The following ENOX2 variants were observed in gnomAD, a reference collection of about 807,000 sequenced individuals.
ENOX2 encodes APK1 antigen.
ENOX2 carries 36 observed loss-of-function variants against 45.0 expected under a neutral mutation model. The ratio of observed to expected loss-of-function variants is 0.80; its 90% confidence interval spans 0.61 to 1.06. ENOX2 has a LOEUF of 1.06. ENOX2 is among the 50% of genes least tolerant of loss of function. The pLI is 0.00. For missense variants in ENOX2, 423 were observed against 462.5 expected (o/e 0.91, Z 0.78); for synonymous variants, 174 against 152.3 (o/e 1.14, Z -1.05).
At chrX:130,815,017 T>C (rs1312180404) in intron 2 of ENOX2, among the ~76,000 whole-genome samples, 1 of 110,978 alleles carries the variant, frequency 9.0e-6, no homozygotes, top group African/African-American at 3.3e-5. Flanking sequence ...GTTTGAGGAA[T>C]TGCTAACTAG....
chrX:130,660,864 C>T (rs1480105583), intron 9 of ENOX2, among the ~76,000 whole-genome samples: 6 of 112,149 alleles, frequency 5.4e-5, no homozygotes, highest in Non-Finnish European at 9.4e-5. Flanking sequence ...ATTATAATGA[C>T]TGAGTCTGAT....
At chrX:130,890,572 A>G (rs2078970727) in intron 2 of ENOX2, among the ~76,000 whole-genome samples, 1 of 112,751 alleles carries the variant, frequency 8.9e-6, no homozygotes, top group Admixed American at 9.4e-5. Context: ...TAAATTCCAA[A>G]CAAAACAGAA....
chrX:130,854,688 G>A lies in ENOX2; in HGVS notation c.-183+46996C>T, dbSNP rs370150645. 6.3e-5 allele frequency among the ~76,000 whole-genome samples: 7 copies of A among 111,080 alleles called. No homozygotes were observed. In the East Asian group the frequency reaches 2.0e-3, roughly 31 times the overall value. ...TTTACCTATAAGAAAAAAAAAATTA[G>A]AATGATAGCAGATATATAAGAATAA... On this transcript the variant is annotated intron_variant, in intron 2 of 14. Coordinates refer to ENST00000394363, the MANE Select transcript of ENOX2 (RefSeq NM_006375.4).
intron 5 of ENOX2, among the ~76,000 whole-genome samples, chrX:130,688,415 C>T (rs1299027491): frequency 2.1e-4 from 23 of 111,856 alleles, no homozygotes. Flanking sequence ...TATTACAACC[C>T]ATCGGTTGAA....
chrX:130,902,644 A>G (rs2079161819), intron 1 of ENOX2, among the ~76,000 whole-genome samples: 1 of 109,000 alleles, frequency 9.2e-6, no homozygotes, highest in Non-Finnish European at 1.9e-5. Context: ...ATACAAATTG[A>G]GGGAAAAGAG....
chrX:130,903,001 G>C (rs2079174870), intron 1 of ENOX2, 48 bp downstream of exon 1: 1 of 110,747 alleles, frequency 9.0e-6, no homozygotes, highest in Non-Finnish European at 1.9e-5. Context: ...GGCCCCCTCA[G>C]TCCCACAGTC....
intron 3 of ENOX2, among the ~76,000 whole-genome samples, chrX:130,769,540 G>A (rs773065811): frequency 4.5e-5 from 5 of 111,740 alleles, no homozygotes; most frequent in African/African-American, 1.3e-4. Flanking sequence ...TTCTAACTAA[G>A]AACTAACAAA....
At chrX:130,679,981 A>G (rs996172946) in intron 5 of ENOX2, among the ~76,000 whole-genome samples, 2 of 111,514 alleles carry the variant, frequency 1.8e-5, no homozygotes. Context: ...ACCCAGGCCT[A>G]TTTGTCTGTC....
chrX:130,633,407 A>G (rs926014138), intron 12 of ENOX2, among the ~76,000 whole-genome samples: 1 of 112,778 alleles, frequency 8.9e-6, no homozygotes, highest in African/African-American at 3.2e-5. Context: ...AGATCAGTTT[A>G]TAATGAACTG....
At chrX:130,677,861 T>C (rs763930445) in intron 6 of ENOX2, among the ~76,000 whole-genome samples, 1 of 110,853 alleles carries the variant, frequency 9.0e-6, no homozygotes, top group African/African-American at 3.3e-5. Context: ...CCGAGGTGGG[T>C]GGATCACCTG....
intron 2 of ENOX2, among the ~76,000 whole-genome samples, chrX:130,841,752 T>C (rs1049411551): frequency 8.9e-6 from 1 of 112,194 alleles, no homozygotes; most frequent in Non-Finnish European, 1.9e-5. Context: ...GGGCCTTCTA[T>C]GGGAGACAGC....
chrX:130,663,243 T>C (rs1022145717), intron 9 of ENOX2, among the ~76,000 whole-genome samples: 1 of 112,248 alleles, frequency 8.9e-6, no homozygotes, highest in African/African-American at 3.2e-5. Flanking sequence ...GCAAAAGTGT[T>C]GTGACGGCCA....
At chrX:130,877,364 C>T (rs915021859) in intron 2 of ENOX2, among the ~76,000 whole-genome samples, 2 of 111,996 alleles carry the variant, frequency 1.8e-5, no homozygotes, top group African/African-American at 6.5e-5. Context: ...CTACATTGTA[C>T]TTAACACTGA....
chrX:130,726,993 G>T (rs2038622235), intron 3 of ENOX2, among the ~76,000 whole-genome samples: 1 of 112,237 alleles, frequency 8.9e-6, no homozygotes, highest in South Asian at 3.7e-4. Flanking sequence ...AATATTGCTT[G>T]TATTCCTTTT....
intron 2 of ENOX2, among the ~76,000 whole-genome samples, chrX:130,821,085 TTAAAAA>T (rs972412913): frequency 8.9e-6 from 1 of 112,203 alleles, no homozygotes; most frequent in Non-Finnish European, 1.9e-5. Context: ...TATTTGTTAA[TTAAAAA>T]TAAAATTTTT....
chrX:130,638,288 G>T (rs1045142088), intron 10 of ENOX2, among the ~76,000 whole-genome samples: 1 of 109,671 alleles, frequency 9.1e-6, no homozygotes, highest in African/African-American at 3.3e-5. Context: ...GGCTGGTCTC[G>T]AACTCCTGAC....
chrX:130,669,130 G>A (rs2036913258), intron 7 of ENOX2, among the ~76,000 whole-genome samples: 1 of 111,989 alleles, frequency 8.9e-6, no homozygotes, highest in Admixed American at 9.5e-5. Flanking sequence ...TTGATGAGTT[G>A]AGAACACAAG....
intron 2 of ENOX2, among the ~76,000 whole-genome samples, chrX:130,784,837 C>T (rs1331092891): frequency 1.8e-5 from 2 of 108,805 alleles, no homozygotes; most frequent in Non-Finnish European, 3.8e-5. Context: ...ATCCACCAGC[C>T]TCGGCCTCCC....
chrX:130,736,736 C>T (rs1304432906), intron 3 of ENOX2, among the ~76,000 whole-genome samples: 1 of 112,032 alleles, frequency 8.9e-6, no homozygotes, highest in Non-Finnish European at 1.9e-5. Context: ...CAGAATTAAG[C>T]TAGTTTTCTC....
Sources: allele counts gnomAD v4.1 joint callset (sites outside exome capture counted in the v4.1 genomes callset), GRCh38; gene constraint gnomAD v4.1.1; transcripts MANE v1.5; gene names NCBI Gene and HGNC (gene_info 2026-07-23, HGNC 2026-07-21).